HDLBP: variants seen among roughly 807,000 people sequenced by gnomAD.
HDLBP encodes high density lipoprotein binding protein.
Under a neutral mutation model 137.3 loss-of-function variants are expected in HDLBP, and 30 were observed. The ratio of observed to expected loss-of-function variants is 0.22; its 90% CI spans 0.16 to 0.30. The LOEUF (loss-of-function observed/expected upper bound fraction) is 0.30, where lower values mean the gene tolerates loss of function less well. Ranked by LOEUF, HDLBP falls within the 10% of genes least tolerant of loss-of-function variation. The probability of loss-of-function intolerance (pLI) is 1.00; values close to 1 mark genes in which losing one functional copy is unlikely to be tolerated. For missense variants in HDLBP, 1,119 were observed against 1,667.3 expected (o/e 0.67, Z 5.73); for synonymous variants, 606 against 596.0 (o/e 1.02, Z -0.24).
chr2:241,284,300 G>A (rs1051664303), intron 1 of HDLBP, among the ~76,000 whole-genome samples: 8 of 152,198 alleles, frequency 5.3e-5, no homozygotes, highest in African/African-American at 1.4e-4. Context: ...TCACCATTCC[G>A]GATGCCATGA....
intron 17 of HDLBP, among the ~76,000 whole-genome samples, chr2:241,241,546 G>T: frequency 8.1e-6 from 1 of 123,136 alleles, no homozygotes; most frequent in Non-Finnish European, 1.6e-5. Context: ...CAGCCTGGGC[G>T]ACAGAGCAAG....
chr2:241,275,517 A>G (rs12476052), intron 1 of HDLBP, among the ~76,000 whole-genome samples: 5,063 of 152,254 alleles, frequency 0.033, 500 homozygotes, highest in Admixed American at 0.19. Context: ...GAGAAGAAAC[A>G]TTTTTTAAAA....
chr2:241,303,972 C>G (rs2075479101), intron 1 of HDLBP, among the ~76,000 whole-genome samples: 1 of 152,120 alleles, frequency 6.6e-6, no homozygotes, highest in Non-Finnish European at 1.5e-5. Context: ...CCAGGTCCAG[C>G]TAACTTTTTT....
Position 241,264,429 on chromosome 2 carries a change from G to C in HDLBP, c.234+19C>G. 1.3e-6 allele frequency: 2 copies of C among 1,526,762 alleles called. No homozygotes were observed. Among genetic ancestry groups the C allele is most frequent in the Non-Finnish European group, 1.8e-6 (2 of 1,125,446 alleles). The allele number at this position is 1,526,762 out of a possible 1,614,324, so 94.6% of individuals were successfully genotyped here. The stretch of plus-strand genomic sequence containing the variant: ...ATGTTACATGATAAAATTTTTAAAA[G>C]AAAGAATGGTGTTTCTACCTGAGTG... On this transcript the variant is annotated intron_variant, in intron 4 of 27. Coordinates refer to ENST00000310931, the MANE Select transcript of HDLBP (RefSeq NM_005336.6).
chr2:241,235,347 G>C, intron 22 of HDLBP, 92 bp from the exon 23 acceptor site: 1 of 1,550,210 alleles, frequency 6.5e-7, no homozygotes, highest in Non-Finnish European at 8.8e-7. Flanking sequence ...TGAGAGGGAA[G>C]GCCACCCGCC....
intron 1 of HDLBP, among the ~76,000 whole-genome samples, chr2:241,292,145 ACACAGAG>A (rs2075031310): frequency 6.6e-6 from 1 of 152,146 alleles, no homozygotes; most frequent in Admixed American, 6.6e-5. Flanking sequence ...TCAACGTGCA[ACACAGAG>A]CACAGTCTGT....
chr2:241,282,058 TGC>T (rs1445660825), intron 1 of HDLBP, among the ~76,000 whole-genome samples: 2 of 152,216 alleles, frequency 1.3e-5, no homozygotes, highest in East Asian at 3.8e-4. Flanking sequence ...GAGTATAAAA[TGC>T]GTCTTCTTCT....
At position 241,253,405 on chromosome 2, in the gene HDLBP, C is replaced by T. The variant is rs1258700672; in HGVS notation, c.1281G>A (p.Met427Ile). 2.5e-6 allele frequency: 4 copies of T among 1,607,014 alleles called. No homozygotes were observed. The highest frequency in any genetic ancestry group is 4.5e-5 in the East Asian group (2 of 44,850). ...VNVAQEQIEG[M>I]VKDLINRMDY... ...AGGGGTACCTTACCAAATCTTTGAC[C>T]ATGCCTTCTATCTGTTCCTGGGCCA... The change falls in exon 10 of 28, where the codon ATG becomes ATA. Residue 427 changes from methionine (M) to isoleucine (I), a missense_variant. Transcript: ENST00000310931.
intron 1 of HDLBP, among the ~76,000 whole-genome samples, chr2:241,303,204 G>A (rs1363789078): frequency 6.6e-6 from 1 of 152,212 alleles, no homozygotes; most frequent in African/African-American, 2.4e-5. Context: ...AAGTCAGCCT[G>A]CACTGTGTTT....
intron 24 of HDLBP, among the ~76,000 whole-genome samples, chr2:241,232,503 T>A (rs942089017): frequency 6.6e-6 from 1 of 152,186 alleles, no homozygotes; most frequent in African/African-American, 2.4e-5. Context: ...CTTGAACTCC[T>A]GACCTCAGGG....
intron 24 of HDLBP, among the ~76,000 whole-genome samples, chr2:241,232,093 A>G (rs2069829844): frequency 6.6e-6 from 1 of 152,162 alleles, no homozygotes; most frequent in Admixed American, 6.5e-5. Context: ...GGGAGGCAGC[A>G]GCCCCACCCA....
At chr2:241,254,481 A>C (rs1358750877) in intron 9 of HDLBP, among the ~76,000 whole-genome samples, 1 of 151,592 alleles carries the variant, frequency 6.6e-6, no homozygotes, top group Admixed American at 6.6e-5. Context: ...TCTGCTCTTC[A>C]AAGTATTTTT....
At position 241,252,399 on chromosome 2, in the gene HDLBP, G is replaced by A. The variant is rs539253973; in HGVS notation, c.1372+558C>T. ...CACCTGTAGTCCCAGCTACTCAGGA[G>A]GCTGAAGCTGGAGAATTGCTTGAGC... On this transcript the variant is annotated intron_variant, in intron 11 of 27. Coordinates refer to ENST00000310931, the MANE Select transcript of HDLBP (RefSeq NM_005336.6). 5.9e-5 allele frequency among the ~76,000 whole-genome samples: 9 copies of A among 152,298 alleles called. 1 individual carries two copies. The East Asian group carries it at 1.7e-3, about 30-fold the overall frequency.
At chr2:241,243,452 A>G (rs529575499) in intron 16 of HDLBP, 1 of 152,644 alleles carries the variant, frequency 6.6e-6, no homozygotes, top group South Asian at 2.1e-4. Flanking sequence ...AGACACCAGG[A>G]AACAGTGCTT....
At chr2:241,265,787 A>G (rs889858429) in intron 3 of HDLBP, among the ~76,000 whole-genome samples, 3 of 152,204 alleles carry the variant, frequency 2.0e-5, no homozygotes, top group Admixed American at 6.5e-5. Context: ...CAGCGCTGAC[A>G]GGACAGGTGG....
chr2:241,252,314 C>T (rs1466685867), intron 11 of HDLBP, among the ~76,000 whole-genome samples: 3 of 152,188 alleles, frequency 2.0e-5, no homozygotes, highest in African/African-American at 7.2e-5. Flanking sequence ...CAAGCCTGGC[C>T]AACATGGTGA....
intron 1 of HDLBP, among the ~76,000 whole-genome samples, chr2:241,313,447 T>C (rs2075820518): frequency 6.6e-6 from 1 of 152,088 alleles, no homozygotes; most frequent in Non-Finnish European, 1.5e-5. Context: ...GCCAGGCTAA[T>C]TTTTGTATTT....
chr2:241,295,489 A>C (rs2149671761), intron 1 of HDLBP, among the ~76,000 whole-genome samples: 1 of 152,276 alleles, frequency 6.6e-6, no homozygotes, highest in South Asian at 2.1e-4. Flanking sequence ...ACACACACAT[A>C]TACACGAGAA....
At position 241,300,009 on chromosome 2, in the gene HDLBP, C is replaced by A. The variant is rs537458245; in HGVS notation, c.-103+15561G>T. On this transcript the variant is annotated intron_variant, in intron 1 of 27. Transcript: ENST00000310931. ...TGCACCCAAACTTTATGTAGCAAAG[C>A]ATATTGTCACGATTCTAAAGTCTGT... Among the ~76,000 whole-genome samples, 215 of 152,332 alleles carry A rather than the reference C, an allele frequency of 1.4e-3. 3 individuals carry two copies. In the South Asian group the frequency reaches 0.043, roughly 31 times the overall value.
Sources: allele counts gnomAD v4.1 joint callset (sites outside exome capture counted in the v4.1 genomes callset), GRCh38; gene constraint gnomAD v4.1.1; transcripts MANE v1.5; gene names NCBI Gene and HGNC (gene_info 2026-07-23, HGNC 2026-07-21).